SDCCAG8: variants seen among roughly 807,000 people sequenced by gnomAD.
SDCCAG8 encodes the protein SHH signaling and ciliogenesis regulator SDCCAG8, also known as serologically defined colon cancer antigen 8.
In SDCCAG8, 74 loss-of-function variants were observed where a neutral mutation model predicts 101.8. The ratio of observed to expected loss-of-function variants is 0.73; its 90% CI spans 0.60 to 0.88. The LOEUF is 0.88. SDCCAG8 is among the 40% of genes least tolerant of loss of function. SDCCAG8 has a pLI of 0.00. For missense variants in SDCCAG8, 787 were observed against 822.6 expected (o/e 0.96, Z 0.53); for synonymous variants, 281 against 292.9 (o/e 0.96, Z 0.41).
intron 16 of SDCCAG8, among the ~76,000 whole-genome samples, chr1:243,473,923 G>T (rs1363325816): frequency 2.5e-4 from 4 of 15,988 alleles, no homozygotes; most frequent in African/African-American, 8.7e-4. Flanking sequence ...AGTTGCCGGC[G>T]GGGGGGGGGG....
At chr1:243,336,581 T>C (rs1309789587) in intron 10 of SDCCAG8, among the ~76,000 whole-genome samples, 2 of 152,098 alleles carry the variant, frequency 1.3e-5, no homozygotes, top group Non-Finnish European at 2.9e-5. Flanking sequence ...GGGGAAGCGC[T>C]ACACACTTTT....
intron 13 of SDCCAG8, among the ~76,000 whole-genome samples, chr1:243,404,409 G>T (rs1379150879): frequency 6.6e-6 from 1 of 152,156 alleles, no homozygotes; most frequent in Admixed American, 6.5e-5. Flanking sequence ...AATAATTAAG[G>T]ATGTAGATAA....
intron 1 of SDCCAG8, among the ~76,000 whole-genome samples, chr1:243,264,406 A>C (rs550238484): frequency 6.6e-6 from 1 of 152,222 alleles, no homozygotes; most frequent in African/African-American, 2.4e-5. Flanking sequence ...CCTGAGGTCG[A>C]GGGTTTGAGA....
At chr1:243,375,513 T>C (rs947457665) in intron 12 of SDCCAG8, among the ~76,000 whole-genome samples, 3 of 152,144 alleles carry the variant, frequency 2.0e-5, no homozygotes, top group African/African-American at 7.2e-5. Flanking sequence ...CCAGTACTGT[T>C]TTCTTGCAGT....
intron 9 of SDCCAG8, among the ~76,000 whole-genome samples, chr1:243,320,645 C>T (rs1226651030): frequency 6.6e-6 from 1 of 152,206 alleles, no homozygotes; most frequent in East Asian, 1.9e-4. Context: ...GTTACTTTAA[C>T]TTCTCTGTGC....
At chr1:243,361,765 G>A (rs541315652) in intron 12 of SDCCAG8, among the ~76,000 whole-genome samples, 1 of 152,184 alleles carries the variant, frequency 6.6e-6, no homozygotes, top group South Asian at 2.1e-4. Flanking sequence ...TACTTCACTG[G>A]CTACTAATGT....
At chr1:243,414,270 A>AG (rs987738103) in intron 13 of SDCCAG8, among the ~76,000 whole-genome samples, 2 of 152,006 alleles carry the variant, frequency 1.3e-5, no homozygotes, top group Non-Finnish European at 2.9e-5. Context: ...GGGCAGGTGG[A>AG]GGGGCTTTCC....
At chr1:243,411,467 C>G (rs961644745) in intron 13 of SDCCAG8, among the ~76,000 whole-genome samples, 1 of 152,048 alleles carries the variant, frequency 6.6e-6, no homozygotes, top group African/African-American at 2.4e-5. Flanking sequence ...AAAATATCAC[C>G]AATTTCTAAC....
rs182468265 is a variant in SDCCAG8, at chr1:243,344,364, A to T, written c.1473+33A>T. 4.5e-5 allele frequency: 60 copies of T among 1,343,784 alleles called. No individual in the cohort carries two copies. In the East Asian group the frequency reaches 1.3e-3, roughly 28 times the overall value. 83.2% of individuals were successfully genotyped at this position (1,343,784 alleles called of 1,614,324 possible). A position where few individuals can be genotyped will look rare whatever the true frequency, so the allele number is the denominator to read the frequency against. On this transcript the variant is annotated intron_variant, in intron 12 of 17. Transcript: ENST00000366541. ...AGGACACAGCATAATTGCAGCAATT[A>T]TAGATATGAGTAACATTCTTTCTCA...
chr1:243,337,021 TGGTG>T (rs1482546422), intron 10 of SDCCAG8, among the ~76,000 whole-genome samples: 1 of 152,160 alleles, frequency 6.6e-6, no homozygotes, highest in Non-Finnish European at 1.5e-5. Context: ...ACTTGTCAAT[TGGTG>T]GGTTTTGTTG....
intron 12 of SDCCAG8, among the ~76,000 whole-genome samples, chr1:243,363,534 T>A (rs2076834925): frequency 6.6e-6 from 1 of 152,230 alleles, no homozygotes; most frequent in African/African-American, 2.4e-5. Flanking sequence ...ATTTTGTTCA[T>A]CTAGATAACC....
chr1:243,341,921 T>G (rs1178714471), intron 11 of SDCCAG8, among the ~76,000 whole-genome samples: 1 of 152,220 alleles, frequency 6.6e-6, no homozygotes, highest in Non-Finnish European at 1.5e-5. Context: ...TAAAATACTC[T>G]TTGCATATTA....
At chr1:243,261,936 C>T (rs926074681) in intron 1 of SDCCAG8, among the ~76,000 whole-genome samples, 12 of 151,042 alleles carry the variant, frequency 7.9e-5, no homozygotes, top group South Asian at 2.1e-4. Flanking sequence ...CTCAGCCTCC[C>T]GAGTAGCTGG....
chr1:243,466,493 G>C (rs1165665424), intron 16 of SDCCAG8, among the ~76,000 whole-genome samples: 1 of 152,162 alleles, frequency 6.6e-6, no homozygotes, highest in Non-Finnish European at 1.5e-5. Context: ...GCGATTTTAG[G>C]GCAAGCTACT....
intron 12 of SDCCAG8, among the ~76,000 whole-genome samples, chr1:243,345,076 A>C (rs2075621866): frequency 6.6e-6 from 1 of 152,306 alleles, no homozygotes; most frequent in Non-Finnish European, 1.5e-5. Context: ...AAATAGTAAG[A>C]CTGGGTTCTT....
At chr1:243,413,706 A>G (rs537358636) in intron 13 of SDCCAG8, among the ~76,000 whole-genome samples, 3 of 152,050 alleles carry the variant, frequency 2.0e-5, no homozygotes, top group Non-Finnish European at 2.9e-5. Context: ...CATTTATGTC[A>G]CCCAATTGTT....
chr1:243,304,935 A>T (rs1558265122), intron 7 of SDCCAG8, 158 bp downstream of exon 7: 2 of 608,004 alleles, frequency 3.3e-6, no homozygotes, highest in East Asian at 2.9e-5. Context: ...AAAGGATGAA[A>T]GGCCTAAAAT....
At chr1:243,428,473 C>G (rs779224337) in intron 16 of SDCCAG8, among the ~76,000 whole-genome samples, 3 of 152,104 alleles carry the variant, frequency 2.0e-5, no homozygotes, top group Non-Finnish European at 4.4e-5. Context: ...ACTGTTTGGG[C>G]CCATTTATAC....
At chr1:243,437,385 C>T (rs1409045041) in intron 16 of SDCCAG8, among the ~76,000 whole-genome samples, 1 of 152,116 alleles carries the variant, frequency 6.6e-6, no homozygotes, top group East Asian at 1.9e-4. Flanking sequence ...GGTAATCATA[C>T]AGGTGTAATA....
Sources: gnomAD v4.1 joint callset for allele counts (sites outside exome capture counted in the v4.1 genomes callset) on GRCh38, gnomAD v4.1.1 for gene constraint, MANE v1.5 for transcripts, NCBI Gene and HGNC (gene_info 2026-07-23, HGNC 2026-07-21) for gene names.